The following KIAA2012 variants were observed in gnomAD, a reference collection of about 807,000 sequenced individuals.
The protein encoded by KIAA2012 is KIAA2012, also known as uncharacterized protein KIAA2012.
KIAA2012 carries 125 observed loss-of-function variants against 150.6 expected under a neutral mutation model. That is an observed-to-expected ratio of 0.83 (90% CI 0.72 to 0.96). The LOEUF (loss-of-function observed/expected upper bound fraction) is 0.96, where lower values mean the gene tolerates loss of function less well. Among genes scored for constraint, KIAA2012 ranks in the 40% least tolerant of loss-of-function variants. KIAA2012 has a pLI of 0.00. For synonymous variants in KIAA2012, 462 were observed against 504.7 expected, an observed-to-expected ratio of 0.92 and a Z score of 1.13; for missense variants, 1,219 against 1,354.9, an observed-to-expected ratio of 0.90 and a Z score of 1.57.
At chr2:202,144,400 C>G (rs1487189654) in intron 13 of KIAA2012, among the ~76,000 whole-genome samples, 3 of 152,074 alleles carry the variant, frequency 2.0e-5, no homozygotes, top group South Asian at 4.2e-4. Flanking sequence ...TTCTAGCTTA[C>G]TAGGATTTGG....
intron 22 of KIAA2012, among the ~76,000 whole-genome samples, chr2:202,202,190 A>T (rs916462421): frequency 6.6e-6 from 1 of 152,108 alleles, no homozygotes; most frequent in Non-Finnish European, 1.5e-5. Context: ...CCTTTCCAGC[A>T]GTGTAAGAAC....
At chr2:202,156,745 T>C (rs1691536561) in intron 14 of KIAA2012, among the ~76,000 whole-genome samples, 1 of 151,814 alleles carries the variant, frequency 6.6e-6, no homozygotes, top group Admixed American at 6.6e-5. Flanking sequence ...ATTAGCCGGG[T>C]GTGGTGGTGG....
chr2:202,085,261 C>T (rs978414281), intron 2 of KIAA2012, among the ~76,000 whole-genome samples: 2 of 152,156 alleles, frequency 1.3e-5, no homozygotes, highest in African/African-American at 4.8e-5. Context: ...ATGTCCTAAT[C>T]CCTGGGACCT....
At chr2:202,154,565 C>T (rs1169424210) in intron 13 of KIAA2012, 108 bp from the exon 14 acceptor site, 4 of 1,015,890 alleles carry the variant, frequency 3.9e-6, no homozygotes, top group Non-Finnish European at 5.6e-6. Context: ...ATTATTGTTT[C>T]AATGATTTTT....
At chr2:202,142,888 A>G (rs1396539396) in intron 13 of KIAA2012, among the ~76,000 whole-genome samples, 1 of 151,656 alleles carries the variant, frequency 6.6e-6, no homozygotes, top group East Asian at 1.9e-4. Context: ...AACAGGCAAC[A>G]TCACTGACAT....
At chr2:202,171,112 TACACACACACACAC>T (rs10532176) in intron 15 of KIAA2012, among the ~76,000 whole-genome samples, 1 of 149,724 alleles carries the variant, frequency 6.7e-6, no homozygotes, top group East Asian at 2.0e-4. Context: ...AAAGAAATAC[TACACACACACACAC>T]ACACACACAC....
chr2:202,182,542 A>C (rs1263366289), intron 15 of KIAA2012, among the ~76,000 whole-genome samples: 1 of 152,152 alleles, frequency 6.6e-6, no homozygotes, highest in Non-Finnish European at 1.5e-5. Context: ...TATATACACC[A>C]GTTTATCTGT....
chr2:202,122,313 T>C (rs1690671333), intron 11 of KIAA2012, among the ~76,000 whole-genome samples: 1 of 152,138 alleles, frequency 6.6e-6, no homozygotes, highest in Admixed American at 6.5e-5. Context: ...CAACACTGGG[T>C]GAGGGCCCTG....
At chr2:202,084,217 G>T (rs1285825615) in intron 2 of KIAA2012, among the ~76,000 whole-genome samples, 1 of 152,152 alleles carries the variant, frequency 6.6e-6, no homozygotes, top group Non-Finnish European at 1.5e-5. Context: ...ATGGCAGCTG[G>T]CTACCTAGGG....
intron 10 of KIAA2012, among the ~76,000 whole-genome samples, chr2:202,112,345 G>T (rs974133968): frequency 6.6e-6 from 1 of 152,210 alleles, no homozygotes; most frequent in Non-Finnish European, 1.5e-5. Flanking sequence ...GGGCACGGAA[G>T]CTCGGCACAT....
chr2:202,121,540 T>C (rs1690652197), intron 11 of KIAA2012, among the ~76,000 whole-genome samples: 1 of 152,232 alleles, frequency 6.6e-6, no homozygotes, highest in African/African-American at 2.4e-5. Flanking sequence ...ATGTTAATAT[T>C]GAGAGCAAAC....
In KIAA2012 at chr2:202,200,076, G is replaced by A. The variant is rs572441311; in HGVS notation, c.3408-2353G>A. ...TTCCTGAGTAGCTGGGATTACAGGC[G>A]CATGCCACCACGCCCAGCTAATTTT... On this transcript the variant is annotated intron_variant, in intron 22 of 23. Transcript: ENST00000498697. Among the ~76,000 whole-genome samples, 11 of 151,744 alleles carry A rather than the reference G, an allele frequency of 7.2e-5. No homozygotes were observed. The South Asian group carries it at 1.7e-3, about 23-fold the overall frequency.
intron 13 of KIAA2012, among the ~76,000 whole-genome samples, chr2:202,151,629 G>A (rs1302109383): frequency 1.3e-5 from 2 of 152,094 alleles, no homozygotes; most frequent in African/African-American, 4.8e-5. Flanking sequence ...CCACCTAAAA[G>A]CATCATCTTG....
intron 2 of KIAA2012, among the ~76,000 whole-genome samples, chr2:202,087,784 G>A (rs932762440): frequency 6.6e-6 from 1 of 152,098 alleles, no homozygotes; most frequent in Non-Finnish European, 1.5e-5. Context: ...GGGCCAGCAA[G>A]CAATCCTTGC....
intron 9 of KIAA2012, among the ~76,000 whole-genome samples, chr2:202,106,573 G>A (rs1351969708): frequency 2.0e-5 from 3 of 152,062 alleles, no homozygotes; most frequent in South Asian, 4.1e-4. Context: ...TGTAATCCCC[G>A]CTACTCGGGT....
At chr2:202,089,718 C>A (rs760385599) in intron 2 of KIAA2012, among the ~76,000 whole-genome samples, 2 of 152,082 alleles carry the variant, frequency 1.3e-5, no homozygotes, top group African/African-American at 4.8e-5. Context: ...AAGAATAGAA[C>A]AAAACAGTCC....
rs191404385 is a variant in KIAA2012, at chr2:202,202,878, G to C, written c.*20+291G>C. Among the ~76,000 whole-genome samples the C allele has an allele frequency of 7.2e-5, 11 of 151,782 alleles. No homozygotes were observed. The East Asian group carries it at 1.9e-3, about 27-fold the overall frequency. On this transcript the variant is annotated intron_variant, in intron 23 of 23. Coordinates refer to ENST00000498697, the MANE Select transcript of KIAA2012 (RefSeq NM_001277372.4). ...AGACTTCCAGGCTGCACTGAGCTAT[G>C]ACGGTGCCACTGTACTGCAGCCTGG...
At chr2:202,203,590 C>T (rs1019740811) in intron 23 of KIAA2012, among the ~76,000 whole-genome samples, 6 of 152,116 alleles carry the variant, frequency 3.9e-5, no homozygotes, top group African/African-American at 1.2e-4. Context: ...GTGTGGTTAC[C>T]GGCTACTGTA....
Position 202,129,126 on chromosome 2 carries a change from T to A in KIAA2012, c.1831+3844T>A, listed in dbSNP as rs535271178. 4.3e-4 allele frequency among the ~76,000 whole-genome samples: 65 copies of A among 151,074 alleles called. No individual in the cohort carries two copies. The South Asian group carries it at 8.0e-3, about 19-fold the overall frequency. ...CAAAACTCCATCTCAAAAAAATAAATAAATAAAAAAATAAAATACCTGATA... is the reference window on the plus strand; with the variant it reads ...CAAAACTCCATCTCAAAAAAATAAAAAAATAAAAAAATAAAATACCTGATA... On this transcript the variant is annotated intron_variant, in intron 12 of 23. Transcript: ENST00000498697.
Sources: gnomAD v4.1 joint callset for allele counts (sites outside exome capture counted in the v4.1 genomes callset) on GRCh38, gnomAD v4.1.1 for gene constraint, MANE v1.5 for transcripts, NCBI Gene and HGNC (gene_info 2026-07-23, HGNC 2026-07-21) for gene names.